SUMF1: variants seen among roughly 807,000 people sequenced by gnomAD.
SUMF1 encodes formylglycine-generating enzyme.
SUMF1 carries 48 observed loss-of-function variants against 47.6 expected under a neutral mutation model. The observed-to-expected ratio is 1.01, with a 90% CI of 0.80 to 1.28. The LOEUF is 1.28. Ranked by LOEUF, SUMF1 falls within the 50% of genes most tolerant of loss-of-function variation. The pLI, the probability that SUMF1 is intolerant of heterozygous loss-of-function variation, is 0.00. For synonymous variants in SUMF1, 230 were observed against 192.1 expected (o/e 1.20, Z -1.63); for missense variants, 571 against 485.4 (o/e 1.18, Z -1.66).
At chr3:4,440,055 G>A (rs546367320) in intron 3 of SUMF1, among the ~76,000 whole-genome samples, 22 of 152,120 alleles carry the variant, frequency 1.4e-4, no homozygotes, top group Admixed American at 2.6e-4. Flanking sequence ...CCAACATGGT[G>A]AAACCCCGTC....
Position 4,383,787 on chromosome 3 carries a change from T to C in SUMF1, c.955-7398A>G, listed in dbSNP as rs539443056. Among the ~76,000 whole-genome samples the C allele has an allele frequency of 6.6e-5, 10 of 152,326 alleles. No homozygotes were observed. The South Asian group carries it at 2.1e-3, about 32-fold the overall frequency. ...AACATGAAGTGCATGTTGCCTGCTG[T>C]GCTGTGACTAGAAAAATCTGTAACT... On this transcript the variant is annotated intron_variant, in intron 7 of 8. Transcript: ENST00000272902.
At chr3:4,225,399 C>G (rs545338821) in intron 8 of SUMF1, among the ~76,000 whole-genome samples, 2 of 152,260 alleles carry the variant, frequency 1.3e-5, no homozygotes, top group African/African-American at 4.8e-5. Flanking sequence ...CAAACTATTA[C>G]TGTTTAAGCA....
chr3:4,340,630 A>T (rs560349103), intron 8 of SUMF1, among the ~76,000 whole-genome samples: 8 of 152,308 alleles, frequency 5.3e-5, no homozygotes, highest in Admixed American at 2.6e-4. Flanking sequence ...AATAAATAGG[A>T]GGAGCTTGCA....
chr3:4,354,225 A>C (rs534079039), intron 8 of SUMF1, among the ~76,000 whole-genome samples: 35 of 152,346 alleles, frequency 2.3e-4, no homozygotes, highest in Admixed American at 1.3e-3. Flanking sequence ...ATATCAAAGA[A>C]GGATTAAATA....
intron 8 of SUMF1, among the ~76,000 whole-genome samples, chr3:4,297,600 C>A (rs1463874442): frequency 7.6e-6 from 1 of 131,396 alleles, no homozygotes; most frequent in Admixed American, 8.6e-5. Flanking sequence ...TGGAGTCTGG[C>A]TACGTTGCCC....
intron 9 of SUMF1, among the ~76,000 whole-genome samples, chr3:4,067,002 T>C (rs550222760): frequency 6.6e-6 from 1 of 152,192 alleles, no homozygotes; most frequent in Non-Finnish European, 1.5e-5. Context: ...AGGGCCTGAA[T>C]TCGTTAGGGG....
chr3:4,379,837 T>A (rs1166173429), intron 7 of SUMF1, among the ~76,000 whole-genome samples: 4 of 53,030 alleles, frequency 7.5e-5, no homozygotes, highest in South Asian at 6.2e-4. Flanking sequence ...CGAGCCTCCA[T>A]CTCAAAAAAA....
chr3:4,160,991 G>C (rs1158460469), intron 8 of SUMF1, among the ~76,000 whole-genome samples: 1 of 152,118 alleles, frequency 6.6e-6, no homozygotes, highest in African/African-American at 2.4e-5. Flanking sequence ...GTATTCAAAA[G>C]AAATTGGGTA....
At chr3:4,439,298 C>T (rs711645) in intron 3 of SUMF1, among the ~76,000 whole-genome samples, 34,892 of 151,694 alleles carry the variant, frequency 0.23, 4,990 homozygotes, top group Non-Finnish European at 0.31. Context: ...CTGAGGCAGG[C>T]GGATCGCTTG....
In SUMF1 at chr3:4,467,066, G is replaced by A. The variant is rs771318056; in HGVS notation, c.180C>T (p.Ala60=). The change falls in exon 1 of 9, where the codon GCC becomes GCT. Residue 60 remains alanine (A), a synonymous_variant. Coordinates refer to ENST00000272902, the MANE Select transcript of SUMF1 (RefSeq NM_182760.4). ...GGTGAGCGGCTGCCGAACTGCCATG[G>A]GCGCCAGGCCGCTGGGGCGTGCCGC... is the stretch of plus-strand genomic sequence containing the variant. The part of the protein sequence containing the change: ...CGCGTPQRPG[A]HGSSAAAHRY... 2.6e-6 allele frequency: 4 copies of A among 1,565,994 alleles called. No homozygotes were observed. The highest frequency in any genetic ancestry group is 2.1e-4 in the Middle Eastern group (1 of 4,700).
intron 9 of SUMF1, among the ~76,000 whole-genome samples, chr3:4,051,613 A>G (rs901975048): frequency 3.9e-5 from 6 of 152,144 alleles, no homozygotes; most frequent in Admixed American, 3.3e-4. Flanking sequence ...AAGAGAGAGA[A>G]GGCTCCCACT....
At chr3:4,096,471 G>T (rs1227011114) in intron 8 of SUMF1, among the ~76,000 whole-genome samples, 2 of 152,054 alleles carry the variant, frequency 1.3e-5, no homozygotes, top group Non-Finnish European at 2.9e-5. Flanking sequence ...AGTAGAAATG[G>T]GCAGCTTTTG....
chr3:4,226,094 T>C (rs375946683), intron 8 of SUMF1, among the ~76,000 whole-genome samples: 20 of 152,022 alleles, frequency 1.3e-4, no homozygotes, highest in African/African-American at 2.2e-4. Flanking sequence ...TCCAAATACA[T>C]AGGATCTACC....
intron 1 of SUMF1, among the ~76,000 whole-genome samples, chr3:4,453,991 C>T (rs993029369): frequency 1.1e-4 from 17 of 151,966 alleles, no homozygotes; most frequent in Non-Finnish European, 2.2e-4. Context: ...ATTTTTTATT[C>T]GCATATGCTT....
chr3:4,408,836 C>T (rs1007948599), intron 7 of SUMF1, among the ~76,000 whole-genome samples: 6 of 151,810 alleles, frequency 4.0e-5, no homozygotes, highest in African/African-American at 1.5e-4. Context: ...CTGGGGGGCA[C>T]CTGTAATCCC....
At position 4,246,978 on chromosome 3, in the gene SUMF1, C is replaced by G. The variant is rs369236706; in HGVS notation, c.1014+129352G>C. Reference sequence around the variant, plus strand: ...TTCAGGGCTCATGAGTGCCTAGAAACTACGCAGCTTTAAGTATATATCCTG... The same window carrying G: ...TTCAGGGCTCATGAGTGCCTAGAAAGTACGCAGCTTTAAGTATATATCCTG... On this transcript the variant is annotated intron_variant and NMD_transcript_variant, in intron 8 of 12. Coordinates refer to the SUMF1 transcript ENST00000448413. 2.6e-5 allele frequency among the ~76,000 whole-genome samples: 4 copies of G among 152,250 alleles called. No individual in the cohort carries two copies. The South Asian group carries it at 8.3e-4, about 32-fold the overall frequency.
intron 7 of SUMF1, among the ~76,000 whole-genome samples, chr3:4,385,986 C>G (rs1700659908): frequency 6.6e-6 from 1 of 152,182 alleles, no homozygotes; most frequent in Non-Finnish European, 1.5e-5. Flanking sequence ...TTCCACTGAT[C>G]TATAAGCATA....
chr3:4,288,325 A>G (rs1048135940), intron 8 of SUMF1, among the ~76,000 whole-genome samples: 2 of 152,226 alleles, frequency 1.3e-5, no homozygotes, highest in African/African-American at 4.8e-5. Context: ...CTTTAGGCAA[A>G]GATTAAGAAC....
intron 8 of SUMF1, among the ~76,000 whole-genome samples, chr3:4,259,142 T>C (rs190007376): frequency 0.029 from 4,269 of 147,444 alleles, 198 homozygotes; most frequent in African/African-American, 0.1. Context: ...AGGGATAGCA[T>C]TGGGAGATAT....
Sources: gnomAD v4.1 joint callset for allele counts (sites outside exome capture counted in the v4.1 genomes callset) on GRCh38, gnomAD v4.1.1 for gene constraint, MANE v1.5 for transcripts, NCBI Gene and HGNC (gene_info 2026-07-23, HGNC 2026-07-21) for gene names.